The following RUFY4 variants were observed in gnomAD, a reference collection of about 807,000 sequenced individuals.
The protein encoded by RUFY4 is RUN and FYVE domain-containing protein 4.
Under a neutral mutation model 69.0 loss-of-function variants are expected in RUFY4, and 73 were observed. The ratio of observed to expected loss-of-function variants is 1.06; its 90% CI spans 0.88 to 1.29. The LOEUF is 1.29. RUFY4 is among the 50% of genes most tolerant of loss of function. The probability of loss-of-function intolerance (pLI) is 0.00; values close to 1 mark genes in which losing one functional copy is unlikely to be tolerated. For missense variants in RUFY4, 770 were observed against 705.6 expected, an observed-to-expected ratio of 1.09 and a Z score of -1.03; for synonymous variants, 287 against 271.8, an observed-to-expected ratio of 1.06 and a Z score of -0.55.
intron 4 of RUFY4, among the ~76,000 whole-genome samples, 158 bp from the exon 7 acceptor site, chr2:218,073,085 C>T (rs997289516): frequency 6.6e-6 from 1 of 152,008 alleles, no homozygotes. Context: ...TCTTGGGCCT[C>T]CTGCTCCTGA....
intron 2 of RUFY4, among the ~76,000 whole-genome samples, chr2:218,041,683 T>G (rs1441220596): frequency 1.3e-5 from 2 of 152,236 alleles, no homozygotes; most frequent in African/African-American, 4.8e-5. Flanking sequence ...GTTGGCTACT[T>G]CTGAATGATT....
intron 8 of RUFY4, among the ~76,000 whole-genome samples, chr2:218,082,649 G>A (rs1574517199): frequency 6.6e-6 from 1 of 152,116 alleles, no homozygotes; most frequent in East Asian, 1.9e-4. Flanking sequence ...TTGTGTGCAT[G>A]TTGTGTTGTG....
At chr2:218,067,432 T>G (rs952757331), upstream of RUFY4, among the ~76,000 whole-genome samples, 8 of 152,200 alleles carry the variant, frequency 5.3e-5, no homozygotes, top group African/African-American at 1.9e-4. Context: ...CAGCACCCAG[T>G]AGATGTTTAT....
chr2:218,049,510 T>C (rs1688898135), intron 2 of RUFY4, among the ~76,000 whole-genome samples: 1 of 148,744 alleles, frequency 6.7e-6, no homozygotes, highest in Non-Finnish European at 1.5e-5. Flanking sequence ...CTGTTTTAGG[T>C]CTTTTTTTTT....
chr2:218,038,894 C>G (rs1200855026), intron 2 of RUFY4, among the ~76,000 whole-genome samples: 1 of 152,012 alleles, frequency 6.6e-6, no homozygotes, highest in Non-Finnish European at 1.5e-5. Context: ...GTAGGAAAAG[C>G]GAGGGCTTTC....
At chr2:218,038,248 T>C (rs1419261479) in intron 2 of RUFY4, among the ~76,000 whole-genome samples, 1 of 152,026 alleles carries the variant, frequency 6.6e-6, no homozygotes, top group East Asian at 1.9e-4. Flanking sequence ...AAAAAAAAAG[T>C]TTTCAGAAAA....
At chr2:218,075,590 G>C (rs767042098) in exon 7 of RUFY4, 31 of 1,525,240 alleles carry the variant, frequency 2.0e-5, no homozygotes, top group Non-Finnish European at 2.6e-5. Flanking sequence ...AGGGGTCGGG[G>C]GGCTCTAGCA....
chr2:218,052,918 CTGT>C (rs1325332325), intron 2 of RUFY4, among the ~76,000 whole-genome samples: 2 of 151,486 alleles, frequency 1.3e-5, no homozygotes, highest in East Asian at 1.9e-4. Context: ...CAATAAATGA[CTGT>C]TATTTCAAAA....
chr2:218,075,007 T>C, intron 6 of RUFY4, 86 bp from the exon 9 acceptor site: 3 of 1,352,882 alleles, frequency 2.2e-6, no homozygotes, highest in Non-Finnish European at 3.0e-6. Flanking sequence ...GCAAGCTGAT[T>C]AGATTAGCAC....
At chr2:218,078,445 C>A (rs534449667) in intron 8 of RUFY4, among the ~76,000 whole-genome samples, 5 of 152,148 alleles carry the variant, frequency 3.3e-5, no homozygotes, top group East Asian at 3.9e-4. Flanking sequence ...TCCAAGGAGG[C>A]CTTCCGGGCC....
exon 5 of RUFY4, chr2:218,073,259 C>T (rs542772060): frequency 1.8e-5 from 28 of 1,551,752 alleles, no homozygotes; most frequent in Middle Eastern, 1.7e-4. Flanking sequence ...GTATGGACCC[C>T]GGAGCCCTCT....
upstream of RUFY4, among the ~76,000 whole-genome samples, chr2:218,065,268 G>A (rs1407820764): frequency 2.6e-5 from 4 of 152,180 alleles, no homozygotes; most frequent in African/African-American, 9.7e-5. Flanking sequence ...AGGAGGGGTG[G>A]GGGGAGAGGG....
rs749140371 is a variant in RUFY4 at position 218,060,747 on chromosome 2, C to T, written c.-1071+2066C>T. 17 of 1,475,718 alleles carry T rather than the reference C, an allele frequency of 1.2e-5. No individual in the cohort carries two copies. The Admixed American group carries it at 1.8e-4, about 16-fold the overall frequency. 91.4% of individuals were successfully genotyped at this position (1,475,718 alleles called of 1,614,324 possible). A position where few individuals can be genotyped will look rare whatever the true frequency, so the allele number is the denominator to read the frequency against. On this transcript the variant is annotated intron_variant and NMD_transcript_variant, in intron 3 of 13. Transcript: ENST00000457754. The stretch of plus-strand genomic sequence containing the variant: ...TGAATCTGTAGCAGAACAGCATGAT[C>T]GCAGCGGCACGATGAAGCCAAAGGA...
intron 8 of RUFY4, 147 bp downstream of exon 10, chr2:218,076,680 G>GGCATT: frequency 3.7e-6 from 5 of 1,350,820 alleles, no homozygotes; most frequent in Non-Finnish European, 4.9e-6. Flanking sequence ...AGGCCTGCAG[G>GGCATT]GCATTGCTCC....
intron 2 of RUFY4, among the ~76,000 whole-genome samples, chr2:218,055,878 T>C (rs1689050272): frequency 6.6e-6 from 1 of 152,170 alleles, no homozygotes; most frequent in Non-Finnish European, 1.5e-5. Flanking sequence ...CTCCATATGG[T>C]AATACGACTC....
intron 9 of RUFY4, 37 bp downstream of exon 11, chr2:218,083,293 G>C: frequency 6.5e-7 from 1 of 1,548,314 alleles, no homozygotes; most frequent in Non-Finnish European, 8.7e-7. Context: ...GAAACAGATG[G>C]GGGAACGGTA....
At chr2:218,072,217 G>A (rs542480072) in intron 2 of RUFY4, among the ~76,000 whole-genome samples, 157 bp from the exon 5 acceptor site, 4 of 152,330 alleles carry the variant, frequency 2.6e-5, no homozygotes, top group East Asian at 3.9e-4. Context: ...CCCCTTGCTC[G>A]TGGTCACACA....
At chr2:218,081,867 C>A (rs1574516703) in intron 8 of RUFY4, among the ~76,000 whole-genome samples, 2 of 152,212 alleles carry the variant, frequency 1.3e-5, no homozygotes, top group East Asian at 3.8e-4. Flanking sequence ...TTCTTCCCTG[C>A]AACATGCTAA....
chr2:218,065,848 G>A (rs1689311478), upstream of RUFY4: 1 of 152,550 alleles, frequency 6.6e-6, no homozygotes, highest in African/African-American at 2.4e-5. Context: ...CCCCTGCAAT[G>A]CCCTGCTGGC....
Sources: allele counts gnomAD v4.1 joint callset (sites outside exome capture counted in the v4.1 genomes callset), GRCh38; gene constraint gnomAD v4.1.1; transcripts MANE v1.5; gene names NCBI Gene and HGNC (gene_info 2026-07-23, HGNC 2026-07-21).